Variants in RANBP17 observed in about 807,000 individuals in gnomAD.
RANBP17 encodes ran-binding protein 17.
In RANBP17, 158 loss-of-function variants were observed where a neutral mutation model predicts 141.2. That is an observed-to-expected ratio of 1.12 (90% CI 0.98 to 1.28). The LOEUF (loss-of-function observed/expected upper bound fraction) is 1.28. Ranked by LOEUF, RANBP17 falls within the 50% of genes most tolerant of loss-of-function variation. The probability of loss-of-function intolerance (pLI) is 0.00; values close to 1 mark genes in which losing one functional copy is unlikely to be tolerated. For synonymous variants in RANBP17, 430 were observed against 450.0 expected (o/e 0.96, Z 0.56); for missense variants, 1,438 against 1,290.7 (o/e 1.11, Z -1.75).
At chr5:171,030,639 A>G (rs1220719638) in intron 14 of RANBP17, among the ~76,000 whole-genome samples, 1 of 151,986 alleles carries the variant, frequency 6.6e-6, no homozygotes, top group Non-Finnish European at 1.5e-5. Context: ...CAATTTTATA[A>G]ATATATAAAG....
intron 5 of RANBP17, among the ~76,000 whole-genome samples, chr5:170,908,863 C>A (rs1450435048): frequency 2.0e-5 from 3 of 151,788 alleles, no homozygotes; most frequent in African/African-American, 7.3e-5. Flanking sequence ...TCTTTCAGAT[C>A]TATAAACACT....
At chr5:171,077,525 G>C (rs1281520719) in intron 14 of RANBP17, among the ~76,000 whole-genome samples, 2 of 152,016 alleles carry the variant, frequency 1.3e-5, no homozygotes, top group African/African-American at 4.8e-5. Context: ...TAAAAGAGAA[G>C]ACACCATAAG....
chr5:170,913,704 T>G (rs1771718274), intron 7 of RANBP17, among the ~76,000 whole-genome samples: 1 of 152,040 alleles, frequency 6.6e-6, no homozygotes, highest in Non-Finnish European at 1.5e-5. Flanking sequence ...GTAATAGGAA[T>G]GCAGTTGATG....
At chr5:171,174,752 G>GTGTGTC (rs1491588577) in intron 16 of RANBP17, among the ~76,000 whole-genome samples, 2 of 4,166 alleles carry the variant, frequency 4.8e-4, no homozygotes, top group African/African-American at 1.6e-3. Context: ...AATATCTAGA[G>GTGTGTC]TGTGTGTGTG....
At chr5:171,274,287 T>C (rs1767359746) in intron 25 of RANBP17, among the ~76,000 whole-genome samples, 1 of 152,040 alleles carries the variant, frequency 6.6e-6, no homozygotes, top group Non-Finnish European at 1.5e-5. Context: ...GAATGAAAAA[T>C]TTGTGACCAT....
chr5:171,200,573 A>G (rs1392709734), intron 19 of RANBP17, among the ~76,000 whole-genome samples: 3 of 152,074 alleles, frequency 2.0e-5, no homozygotes, highest in South Asian at 4.1e-4. Context: ...AGACTAATAA[A>G]TGCACTCCAG....
At chr5:171,102,242 G>T (rs1787221289) in intron 14 of RANBP17, among the ~76,000 whole-genome samples, 1 of 152,072 alleles carries the variant, frequency 6.6e-6, no homozygotes, top group Admixed American at 6.6e-5. Context: ...GCAAATGTAG[G>T]TTTGGTCTTT....
intron 3 of RANBP17, among the ~76,000 whole-genome samples, chr5:170,888,691 ATTTC>A (rs1404411915): frequency 6.6e-6 from 1 of 152,032 alleles, no homozygotes; most frequent in East Asian, 1.9e-4. Flanking sequence ...TATGCATTCT[ATTTC>A]TTTTTCTTAT....
intron 7 of RANBP17, chr5:170,911,491 CT>C: frequency 1.4e-6 from 1 of 704,964 alleles, no homozygotes; most frequent in South Asian, 1.4e-5. Flanking sequence ...CTGGTCAAAC[CT>C]TTAAATCTTC....
intron 1 of RANBP17, among the ~76,000 whole-genome samples, chr5:170,872,682 C>T (rs1767848749): frequency 6.6e-6 from 1 of 152,020 alleles, no homozygotes; most frequent in Non-Finnish European, 1.5e-5. Context: ...AAGATATATT[C>T]CATCAATACC....
chr5:171,220,309 C>A (rs1164604813), intron 21 of RANBP17, among the ~76,000 whole-genome samples: 2 of 151,014 alleles, frequency 1.3e-5, no homozygotes, highest in African/African-American at 4.9e-5. Flanking sequence ...TCAGTCACCC[C>A]CCTACTGGGA....
intron 14 of RANBP17, among the ~76,000 whole-genome samples, chr5:171,018,660 AGAT>A (rs1437220967): frequency 6.6e-6 from 1 of 152,166 alleles, no homozygotes; most frequent in Non-Finnish European, 1.5e-5. Context: ...TTCGGGGCTG[AGAT>A]GATGGGGTTT....
intron 22 of RANBP17, among the ~76,000 whole-genome samples, chr5:171,228,483 A>G (rs1334072549): frequency 6.6e-6 from 1 of 152,208 alleles, no homozygotes; most frequent in Non-Finnish European, 1.5e-5. Flanking sequence ...GTGTCTTGAG[A>G]TGGAATCTAC....
intron 14 of RANBP17, among the ~76,000 whole-genome samples, chr5:171,025,657 C>T (rs1019009354): frequency 2.6e-5 from 4 of 151,386 alleles, no homozygotes; most frequent in African/African-American, 7.3e-5. Flanking sequence ...CTCACTGCAG[C>T]CCTGAATTCC....
At chr5:170,907,588 G>C (rs1272505413) in intron 5 of RANBP17, among the ~76,000 whole-genome samples, 1 of 151,894 alleles carries the variant, frequency 6.6e-6, no homozygotes, top group Non-Finnish European at 1.5e-5. Flanking sequence ...GATATGATGA[G>C]AGTGAGAAGT....
At chr5:170,871,127 C>T (rs1039558345) in intron 1 of RANBP17, among the ~76,000 whole-genome samples, 2 of 152,140 alleles carry the variant, frequency 1.3e-5, no homozygotes, top group African/African-American at 4.8e-5. Context: ...TGGCTCATTG[C>T]AACCTCTGCC....
At chr5:170,960,926 A>T (rs1457165107) in intron 13 of RANBP17, among the ~76,000 whole-genome samples, 1 of 152,134 alleles carries the variant, frequency 6.6e-6, no homozygotes, top group African/African-American at 2.4e-5. Flanking sequence ...TTTTATTTTT[A>T]GTAGAGACAG....
At chr5:170,882,293 G>T (rs1768769763) in intron 3 of RANBP17, among the ~76,000 whole-genome samples, 1 of 152,104 alleles carries the variant, frequency 6.6e-6, no homozygotes, top group South Asian at 2.1e-4. Context: ...TGTTGGCCAG[G>T]ATAGTCTTGA....
At chr5:171,199,621 A>T in intron 18 of RANBP17, 49 bp from the exon 19 acceptor site, 3 of 1,189,066 alleles carry the variant, frequency 2.5e-6, no homozygotes, top group Non-Finnish European at 3.7e-6. Flanking sequence ...AGGACAATGT[A>T]CAATTCTATG....
Sources: allele counts gnomAD v4.1 joint callset (sites outside exome capture counted in the v4.1 genomes callset), GRCh38; gene constraint gnomAD v4.1.1; transcripts MANE v1.5; gene names NCBI Gene and HGNC (gene_info 2026-07-23, HGNC 2026-07-21).